The following STX3 variants were observed in gnomAD, a reference collection of about 807,000 sequenced individuals.
The protein encoded by STX3 is syntaxin 3.
STX3 carries 19 observed loss-of-function variants against 40.2 expected under a neutral mutation model. The ratio of observed to expected loss-of-function variants is 0.47; its 90% CI spans 0.33 to 0.69. The LOEUF (loss-of-function observed/expected upper bound fraction) is 0.69, where lower values mean the gene tolerates loss of function less well. STX3 is among the 30% of genes least tolerant of loss of function. The pLI is 0.02. For missense variants in STX3, 364 were observed against 366.7 expected (o/e 0.99, Z 0.06); for synonymous variants, 122 against 132.2 (o/e 0.92, Z 0.53).
Position 59,789,135 on chromosome 11 carries a change from C to A in STX3, c.289+188C>A, listed in dbSNP as rs932785259. ...CCCAGAAATTTACCTTTTCTTAAAT[C>A]CTGACTGTACTGGAAAGAGTCCAGA... is the stretch of plus-strand genomic sequence containing the variant. On this transcript the variant is annotated intron_variant, in intron 4 of 10. Transcript: ENST00000337979. 1.2e-5 allele frequency: 6 copies of A among 512,048 alleles called. No homozygotes were observed. The Admixed American group carries it at 2.0e-4, about 17-fold the overall frequency. The allele number at this position is 512,048 out of a possible 1,614,324, so 31.7% of individuals were successfully genotyped here.
At chr11:59,776,920 G>C (rs1024607405) in intron 2 of STX3, among the ~76,000 whole-genome samples, 3 of 152,212 alleles carry the variant, frequency 2.0e-5, no homozygotes, top group African/African-American at 7.2e-5. Context: ...TTGGCAGAAA[G>C]TAATGTTCAG....
At chr11:59,777,847 G>C (rs2134951441) in intron 2 of STX3, among the ~76,000 whole-genome samples, 1 of 152,328 alleles carries the variant, frequency 6.6e-6, no homozygotes, top group Non-Finnish European at 1.5e-5. Context: ...ACAGGGCAAA[G>C]TGGGTCCGGA....
At chr11:59,773,128 G>A (rs886677942) in intron 1 of STX3, 83 bp from the exon 2 acceptor site, 1 of 1,324,826 alleles carries the variant, frequency 7.5e-7, no homozygotes, top group Non-Finnish European at 1.1e-6. Context: ...GCTGAATATA[G>A]TTCCTAGTAC....
rs1435540642 is a variant in STX3 at position 59,802,510 on chromosome 11, TCAGA to T, written c.*1690_*1693del. 3 of 985,730 alleles carry T rather than the reference TCAGA, an allele frequency of 3.0e-6. No homozygotes were observed. Among genetic ancestry groups the T allele is most frequent in the African/African-American group, 3.5e-5 (2 of 57,216 alleles). The allele number at this position is 985,730 out of a possible 1,614,324, so 61.1% of individuals were successfully genotyped here. A position where few individuals can be genotyped will look rare whatever the true frequency, so the allele number is the denominator to read the frequency against. The stretch of plus-strand genomic sequence containing the variant: ...TATCCTCTTGCCCATGGCTATGATG[TCAGA>T]CAGTGGATGGGCTCCAGCAACAAGA... On this transcript the variant is annotated 3_prime_UTR_variant, in exon 11 of 11. Coordinates refer to ENST00000337979, the MANE Select transcript of STX3 (RefSeq NM_004177.5).
intron 1 of STX3, among the ~76,000 whole-genome samples, chr11:59,761,504 T>TAAAGCTGTAAAAC (rs2134865295): frequency 6.6e-6 from 1 of 152,314 alleles, no homozygotes; most frequent in East Asian, 1.9e-4. Flanking sequence ...CCAAAGCCTG[T>TAAAGCTGTAAAAC]AAAGCTGTAA....
At chr11:59,755,770 G>A in intron 1 of STX3, 135 bp downstream of exon 1, 2 of 1,242,688 alleles carry the variant, frequency 1.6e-6, no homozygotes, top group Non-Finnish European at 2.1e-6. Context: ...ACCGCTTCCC[G>A]CGCCGGTTCC....
At position 59,799,343 on chromosome 11, in the gene STX3, T is replaced by C. The variant is rs550817497; in HGVS notation, c.*31-1512T>C. ...ATACTCAGACATAGTTTTACATAGT[T>C]CAGACTATATTATCCAGTTTTGTAC... On this transcript the variant is annotated intron_variant, in intron 10 of 10. Coordinates refer to ENST00000337979, the MANE Select transcript of STX3 (RefSeq NM_004177.5). Among the ~76,000 whole-genome samples the C allele has an allele frequency of 1.1e-4, 16 of 152,356 alleles. No homozygotes were observed. The South Asian group carries it at 3.3e-3, about 32-fold the overall frequency.
chr11:59,776,717 G>T (rs1863984378), intron 2 of STX3, among the ~76,000 whole-genome samples: 1 of 152,172 alleles, frequency 6.6e-6, no homozygotes, highest in Non-Finnish European at 1.5e-5. Flanking sequence ...ATAGGACCAG[G>T]GTGTTTTCAG....
At chr11:59,788,504 A>C (rs967164945) in intron 3 of STX3, among the ~76,000 whole-genome samples, 4 of 152,046 alleles carry the variant, frequency 2.6e-5, no homozygotes, top group Non-Finnish European at 4.4e-5. Context: ...GTTGAAATCT[A>C]TTTTCCCCAT....
intron 1 of STX3, among the ~76,000 whole-genome samples, chr11:59,770,413 G>A (rs141669645): frequency 0.014 from 2,092 of 151,874 alleles, 23 homozygotes; most frequent in Non-Finnish European, 0.021. Flanking sequence ...GTGTGTGTGG[G>A]TATATGTATG....
rs1865992583 is a variant in STX3 at position 59,804,008 on chromosome 11, T to C, written c.*3184T>C. 1 of 152,638 alleles carries C rather than the reference T, an allele frequency of 6.6e-6. No individual in the cohort carries two copies. Among genetic ancestry groups the C allele is most frequent in the African/African-American group, 2.4e-5 (1 of 41,406 alleles). 9.5% of individuals were successfully genotyped at this position (152,638 alleles called of 1,614,324 possible). ...AAGAATTATGCAAAGAATAAACGTA[T>C]ACAGAATTGGGCGGAGGACAGGGAC... is the stretch of plus-strand genomic sequence containing the variant. On this transcript the variant is annotated 3_prime_UTR_variant, in exon 11 of 11. Transcript: ENST00000337979.
Position 59,795,415 on chromosome 11 carries a change from T to TG in STX3, c.721dup (p.Asp241GlyfsTer9). 6.2e-7 allele frequency: 1 copy of TG among 1,613,644 alleles called. No individual in the cohort carries two copies. Among genetic ancestry groups the TG allele is most frequent in the Non-Finnish European group, 8.5e-7 (1 of 1,179,892 alleles). On this transcript the variant is annotated frameshift_variant, in exon 9 of 11. Coordinates refer to ENST00000337979, the MANE Select transcript of STX3 (RefSeq NM_004177.5). LOFTEE classifies it high-confidence loss of function. ...ATAGAGTTGAATGTCATGCACACAG[T>TG]GGACCACGTGGAGAAGGCACGAGAT...
chr11:59,783,836 A>G (rs1049442497), intron 2 of STX3, among the ~76,000 whole-genome samples: 1 of 152,226 alleles, frequency 6.6e-6, no homozygotes. Context: ...TGAGGTCCCA[A>G]AAAGGTCCTG....
At chr11:59,779,608 A>G (rs550492418) in intron 2 of STX3, among the ~76,000 whole-genome samples, 85 of 152,352 alleles carry the variant, frequency 5.6e-4, no homozygotes, top group Middle Eastern at 3.4e-3. Context: ...TCATTTATTT[A>G]TTCAGCAAAT....
intron 2 of STX3, among the ~76,000 whole-genome samples, chr11:59,777,484 C>A (rs1864035128): frequency 1.3e-5 from 2 of 152,172 alleles, no homozygotes; most frequent in Admixed American, 6.5e-5. Context: ...TGCGAAAGAC[C>A]TGAAATGGAA....
Position 59,792,126 on chromosome 11 carries a change from A to G in STX3, c.377A>G (p.Lys126Arg). ...RKSQHSVLSR[K>R]FVEVMTKYNE... ...CCACAGCACTCTGTCCTTTCTCGGAAGTTTGTGGAGGTGATGACCAAATAC... is the reference window on the plus strand; with the variant it reads ...CCACAGCACTCTGTCCTTTCTCGGAGGTTTGTGGAGGTGATGACCAAATAC... The change falls in exon 6 of 11, where the codon AAG (lysine) becomes AGG (arginine). Residue 126 changes from lysine (K) to arginine (R), a missense_variant. Physicochemically the swap from Lys to Arg is conservative, Grantham distance 26. Transcript: ENST00000337979. 6.2e-7 allele frequency: 1 copy of G among 1,613,990 alleles called. No individual in the cohort carries two copies. Among genetic ancestry groups the G allele is most frequent in the Non-Finnish European group, 8.5e-7 (1 of 1,179,982 alleles).
intron 2 of STX3, among the ~76,000 whole-genome samples, chr11:59,785,160 T>A (rs2134984932): frequency 6.6e-6 from 1 of 152,240 alleles, no homozygotes; most frequent in East Asian, 1.9e-4. Context: ...ATGATATTAT[T>A]ACATTGTAAT....
At position 59,795,353 on chromosome 11, in the gene STX3, CAG is replaced by C. The variant is rs776607400; in HGVS notation, c.676-16_676-15del. ...ACCTGAGACGTTTACTTGGTGTGAT[CAG>C]AGTCTGTTCTTTGCAGGGTGAGATG... is the stretch of plus-strand genomic sequence containing the variant. On this transcript the variant is annotated splice_polypyrimidine_tract_variant and intron_variant, in intron 8 of 10. Coordinates refer to ENST00000337979, the MANE Select transcript of STX3 (RefSeq NM_004177.5). 1 of 1,599,354 alleles carries C rather than the reference CAG, an allele frequency of 6.3e-7. No homozygotes were observed. The highest frequency in any genetic ancestry group is 8.6e-7 in the Non-Finnish European group (1 of 1,169,526).
rs1263667849 is a variant in STX3 at position 59,780,596 on chromosome 11, C to A, written c.115-6441C>A. Among the ~76,000 whole-genome samples, 7 of 152,312 alleles carry A rather than the reference C, an allele frequency of 4.6e-5. No homozygotes were observed. In the East Asian group the frequency reaches 1.4e-3, roughly 29 times the overall value. On this transcript the variant is annotated intron_variant, in intron 2 of 10. Coordinates refer to ENST00000337979, the MANE Select transcript of STX3 (RefSeq NM_004177.5). ...ACATGCCTTCTTCATGGCCTCAGCT[C>A]TTTCTCAATAGACCCCGCCTCCATG... is the stretch of plus-strand genomic sequence containing the variant.
Sources: allele counts gnomAD v4.1 joint callset (sites outside exome capture counted in the v4.1 genomes callset), GRCh38; gene constraint gnomAD v4.1.1; transcripts MANE v1.5; gene names NCBI Gene and HGNC (gene_info 2026-07-23, HGNC 2026-07-21).